The following LRP1B variants were observed in gnomAD, a reference collection of about 807,000 sequenced individuals.
The protein encoded by LRP1B is LDL receptor related protein 1B.
Under a neutral mutation model 556.6 loss-of-function variants are expected in LRP1B, and 217 were observed. That is an observed-to-expected ratio of 0.39 (90% CI 0.35 to 0.44). LRP1B has a LOEUF of 0.44. Among genes scored for constraint, LRP1B ranks in the 20% least tolerant of loss-of-function variants. The probability of loss-of-function intolerance (pLI) is 1.00; values close to 1 mark genes in which losing one functional copy is unlikely to be tolerated. For synonymous variants in LRP1B, 2,047 were observed against 1,865.8 expected (o/e 1.10, Z -2.50); for missense variants, 5,053 against 5,620.8 (o/e 0.90, Z 3.23).
At chr2:140,502,067 A>G (rs1271421134) in intron 54 of LRP1B, among the ~76,000 whole-genome samples, 193 bp from the exon 55 acceptor site, 6 of 152,072 alleles carry the variant, frequency 3.9e-5, no homozygotes, top group Non-Finnish European at 8.8e-5. Context: ...CTGTACTTTC[A>G]TGTTCAATAC....
At chr2:140,810,150 G>A (rs1690867764) in intron 32 of LRP1B, among the ~76,000 whole-genome samples, 1 of 152,130 alleles carries the variant, frequency 6.6e-6, no homozygotes, top group Admixed American at 6.5e-5. Flanking sequence ...GTCTCGAGCG[G>A]TTCCAATTTA....
intron 1 of LRP1B, among the ~76,000 whole-genome samples, chr2:142,015,077 G>A (rs192306760): frequency 2.0e-5 from 3 of 152,040 alleles, no homozygotes; most frequent in Admixed American, 6.5e-5. Context: ...GTTTCCTTAT[G>A]GTAAAATGAA....
rs562957356 is a variant in LRP1B at position 140,916,851 on chromosome 2, T to C, written c.3319+6114A>G. On this transcript the variant is annotated intron_variant, in intron 21 of 90. Transcript: ENST00000389484. The stretch of plus-strand genomic sequence containing the variant: ...ATAGAAAGAATATACTTTTATTTTC[T>C]TTTCACCACTTAAACAATATTACAT... Among the ~76,000 whole-genome samples, 9 of 152,342 alleles carry C rather than the reference T, an allele frequency of 5.9e-5. No individual in the cohort carries two copies. In the South Asian group the frequency reaches 1.9e-3, roughly 32 times the overall value.
In LRP1B at chr2:141,141,865, C is replaced by T. The variant is rs562209932; in HGVS notation, c.1013+46556G>A. On this transcript the variant is annotated intron_variant, in intron 7 of 90. Coordinates refer to ENST00000389484, the MANE Select transcript of LRP1B (RefSeq NM_018557.3). Reference sequence around the variant, plus strand: ...GAAAAAATAGTTTATATAATTTAAGCCACTTTATCTTTCAGTAATGCAATA... The same window carrying T: ...GAAAAAATAGTTTATATAATTTAAGTCACTTTATCTTTCAGTAATGCAATA... 6.6e-5 allele frequency among the ~76,000 whole-genome samples: 10 copies of T among 152,166 alleles called. No homozygotes were observed. The South Asian group carries it at 1.9e-3, about 28-fold the overall frequency.
At chr2:141,346,285 A>C (rs1688256032) in intron 3 of LRP1B, among the ~76,000 whole-genome samples, 1 of 152,110 alleles carries the variant, frequency 6.6e-6, no homozygotes, top group Admixed American at 6.6e-5. Context: ...TTTTTTAAAA[A>C]AAGCAACCCG....
intron 86 of LRP1B, among the ~76,000 whole-genome samples, chr2:140,261,049 A>ATATG (rs1553483654): frequency 1.8e-5 from 2 of 112,764 alleles, no homozygotes; most frequent in Non-Finnish European, 3.5e-5. Context: ...ATATATATAT[A>ATATG]TGTGTGTGTA....
intron 2 of LRP1B, among the ~76,000 whole-genome samples, chr2:141,809,202 T>C (rs928399010): frequency 1.3e-5 from 2 of 152,110 alleles, no homozygotes; most frequent in African/African-American, 4.8e-5. Flanking sequence ...TATTCAGGTA[T>C]TCACCTTTTG....
At chr2:141,114,153 G>A (rs555776214) in intron 7 of LRP1B, among the ~76,000 whole-genome samples, 1 of 152,218 alleles carries the variant, frequency 6.6e-6, no homozygotes, top group African/African-American at 2.4e-5. Context: ...GGGAGAGGGG[G>A]CACACAGGCA....
At position 141,475,772 on chromosome 2, in the gene LRP1B, AGAG is replaced by A. The variant is rs1342748517; in HGVS notation, c.343+4621_343+4623del. On this transcript the variant is annotated intron_variant, in intron 3 of 90. Coordinates refer to ENST00000389484, the MANE Select transcript of LRP1B (RefSeq NM_018557.3). ...GAGAAGTTCGGTTGGGGATGGTCAG[AGAG>A]GAGATCAGCCGCAGGACAGCCGAAC... Among the ~76,000 whole-genome samples the A allele has an allele frequency of 9.5e-5, 10 of 104,904 alleles. No individual in the cohort carries two copies. In the East Asian group the frequency reaches 2.1e-3, roughly 22 times the overall value. The allele number at this position is 104,904 out of a possible 152,430, so 68.8% of individuals were successfully genotyped here. A position where few individuals can be genotyped will look rare whatever the true frequency, so the allele number is the denominator to read the frequency against.
chr2:140,927,832 C>T (rs1272986292), intron 20 of LRP1B, among the ~76,000 whole-genome samples: 1 of 151,482 alleles, frequency 6.6e-6, no homozygotes, highest in African/African-American at 2.4e-5. Flanking sequence ...TCAGCCTCCC[C>T]AGAAGCTGGG....
chr2:140,758,265 A>G (rs183897514), intron 35 of LRP1B, among the ~76,000 whole-genome samples: 85 of 144,378 alleles, frequency 5.9e-4, no homozygotes, highest in African/African-American at 2.1e-3. Flanking sequence ...ATAACATAGG[A>G]GAGCGTTCAT....
chr2:142,073,471 AT>A (rs1029379277), intron 1 of LRP1B, among the ~76,000 whole-genome samples: 1 of 152,024 alleles, frequency 6.6e-6, no homozygotes, highest in African/African-American at 2.4e-5. Context: ...CAATAACTAA[AT>A]TTCTAATATT....
intron 9 of LRP1B, among the ~76,000 whole-genome samples, chr2:141,056,750 A>T (rs926435922): frequency 6.6e-6 from 1 of 151,846 alleles, no homozygotes; most frequent in Admixed American, 6.6e-5. Context: ...TTTAAATGTG[A>T]CCTGTCTGTC....
At chr2:141,954,793 A>G (rs1265325943) in intron 1 of LRP1B, among the ~76,000 whole-genome samples, 2 of 152,010 alleles carry the variant, frequency 1.3e-5, no homozygotes, top group African/African-American at 4.8e-5. Context: ...TGAGCCTCTG[A>G]GTCTCTCAGC....
chr2:140,710,069 A>C (rs780746105), intron 37 of LRP1B, among the ~76,000 whole-genome samples: 1 of 152,102 alleles, frequency 6.6e-6, no homozygotes, highest in Non-Finnish European at 1.5e-5. Context: ...CGAAGTAAAT[A>C]ATATTTAAAT....
At chr2:141,119,131 C>G (rs2104990646) in intron 7 of LRP1B, among the ~76,000 whole-genome samples, 1 of 151,938 alleles carries the variant, frequency 6.6e-6, no homozygotes, top group South Asian at 2.1e-4. Context: ...GCTAAATGCT[C>G]CATCTTTAAC....
At chr2:140,461,069 G>GA (rs1217803995) in intron 60 of LRP1B, among the ~76,000 whole-genome samples, 6,595 of 72,290 alleles carry the variant, frequency 0.091, 199 homozygotes, top group Non-Finnish European at 0.11. Flanking sequence ...ACTCAAAAAA[G>GA]AAAAAAAAAA....
intron 2 of LRP1B, among the ~76,000 whole-genome samples, chr2:141,530,307 ATTAGGTTT>A (rs1684825526): frequency 6.6e-6 from 1 of 152,116 alleles, no homozygotes; most frequent in African/African-American, 2.4e-5. Context: ...GGAATAGAGA[ATTAGGTTT>A]TTACCAAAAG....
chr2:141,066,466 A>G (rs937988281), intron 7 of LRP1B, among the ~76,000 whole-genome samples: 13 of 152,040 alleles, frequency 8.6e-5, no homozygotes, highest in African/African-American at 2.7e-4. Flanking sequence ...TATGGCACCA[A>G]TCATTTCTAT....
Sources: gnomAD v4.1 joint callset for allele counts (sites outside exome capture counted in the v4.1 genomes callset) on GRCh38, gnomAD v4.1.1 for gene constraint, MANE v1.5 for transcripts, NCBI Gene and HGNC (gene_info 2026-07-23, HGNC 2026-07-21) for gene names.